The following STX7 variants were observed in gnomAD, a reference collection of about 807,000 sequenced individuals.
STX7 encodes the protein syntaxin 7, also known as syntaxin-7.
A neutral mutation model predicts 39.6 loss-of-function variants in STX7; 34 were observed. That is an observed-to-expected ratio of 0.86 (90% CI 0.65 to 1.14). STX7 has a LOEUF of 1.14. Among genes scored for constraint, STX7 ranks in the 50% most tolerant of loss-of-function variants. The pLI, the probability that STX7 is intolerant of heterozygous loss-of-function variation, is 0.00. For missense variants in STX7, 284 were observed against 310.4 expected (o/e 0.92, Z 0.64); for synonymous variants, 119 against 99.1 (o/e 1.20, Z -1.19).
chr6:132,502,893 T>C (rs1371089497), intron 2 of STX7, among the ~76,000 whole-genome samples: 3 of 151,146 alleles, frequency 2.0e-5, no homozygotes, highest in South Asian at 2.1e-4. Context: ...AGTGAGGCTG[T>C]CTCTAAAAAA....
At chr6:132,489,608 T>C (rs113283145) in intron 2 of STX7, among the ~76,000 whole-genome samples, 1 of 152,128 alleles carries the variant, frequency 6.6e-6, no homozygotes, top group South Asian at 2.1e-4. Flanking sequence ...GACGAGAAAG[T>C]GTGGGAAGGG....
At chr6:132,509,705 A>G (rs1775801198) in intron 1 of STX7, among the ~76,000 whole-genome samples, 1 of 152,148 alleles carries the variant, frequency 6.6e-6, no homozygotes, top group Non-Finnish European at 1.5e-5. Flanking sequence ...CTAAAAGGCA[A>G]CAACAGTTGG....
intron 8 of STX7, among the ~76,000 whole-genome samples, chr6:132,467,158 G>T (rs1045435102): frequency 2.6e-5 from 4 of 152,126 alleles, no homozygotes; most frequent in African/African-American, 7.2e-5. Flanking sequence ...CTTCTCATTC[G>T]TTTGTAAAAA....
chr6:132,470,538 T>A, intron 6 of STX7, 36 bp downstream of exon 6: 1 of 1,525,018 alleles, frequency 6.6e-7, no homozygotes, highest in African/African-American at 1.4e-5. Flanking sequence ...TTTGAAAAAT[T>A]ACCTTTTGAT....
intron 2 of STX7, among the ~76,000 whole-genome samples, chr6:132,490,033 T>C (rs1253637178): frequency 6.6e-6 from 1 of 152,244 alleles, no homozygotes; most frequent in African/African-American, 2.4e-5. Context: ...TTATTCATCC[T>C]AACATTTTTC....
chr6:132,478,838 T>C (rs1039011878), intron 2 of STX7, among the ~76,000 whole-genome samples: 1 of 152,214 alleles, frequency 6.6e-6, no homozygotes, highest in African/African-American at 2.4e-5. Flanking sequence ...TTGCTATCAA[T>C]GGGATGGGAC....
rs1046937659 is a variant in STX7 at position 132,450,511 on chromosome 6, T to G, written c.*10247A>C. 1.3e-4 allele frequency: 18 copies of G among 139,534 alleles called. No individual in the cohort carries two copies. The highest frequency in any genetic ancestry group is 3.6e-3 in the Middle Eastern group (1 of 280). 8.6% of individuals were successfully genotyped at this position (139,534 alleles called of 1,614,324 possible). On this transcript the variant is annotated 3_prime_UTR_variant, in exon 10 of 10. Transcript: ENST00000367941. The stretch of plus-strand genomic sequence containing the variant: ...TTAAAGAGACCAACTTTTGTTTAAA[T>G]TGATCCTCTCAAAAAAAAAAAAATT...
Position 132,456,990 on chromosome 6 carries a change from G to C in STX7, c.*3768C>G, listed in dbSNP as rs1433240663. On this transcript the variant is annotated 3_prime_UTR_variant, in exon 10 of 10. Coordinates refer to ENST00000367941, the MANE Select transcript of STX7 (RefSeq NM_003569.3). ...TTTCAAAATCTCTTGCAAGGCACTG[G>C]CTTTGGAGCTATTAACAGCTGACAG... The C allele has an allele frequency of 1.3e-5, 2 of 152,308 alleles. No homozygotes were observed. The highest frequency in any genetic ancestry group is 1.3e-4 in the Admixed American group (2 of 15,286). The allele number at this position is 152,308 out of a possible 1,614,324, so 9.4% of individuals were successfully genotyped here. A position where few individuals can be genotyped will look rare whatever the true frequency, so the allele number is the denominator to read the frequency against.
Position 132,451,216 on chromosome 6 carries a change from C to G in STX7, c.*9542G>C, listed in dbSNP as rs1180761895. On this transcript the variant is annotated 3_prime_UTR_variant, in exon 10 of 10. Coordinates refer to ENST00000367941, the MANE Select transcript of STX7 (RefSeq NM_003569.3). ...GGTTCAAGTGATTCTCCTGCCTCAG[C>G]TTCCCAAATGGCTGGGATTACAGAT... 2 of 151,972 alleles carry G rather than the reference C, an allele frequency of 1.3e-5. No homozygotes were observed. Among genetic ancestry groups the G allele is most frequent in the Non-Finnish European group, 2.9e-5 (2 of 68,046 alleles). The allele number at this position is 151,972 out of a possible 1,614,324, so 9.4% of individuals were successfully genotyped here.
chr6:132,500,695 A>G (rs1775536190), intron 2 of STX7, among the ~76,000 whole-genome samples: 1 of 152,356 alleles, frequency 6.6e-6, no homozygotes, highest in East Asian at 1.9e-4. Flanking sequence ...AGCAAGTACT[A>G]TGTATCCCAA....
chr6:132,493,254 C>A, intron 2 of STX7, among the ~76,000 whole-genome samples: 1 of 151,938 alleles, frequency 6.6e-6, no homozygotes, highest in African/African-American at 2.4e-5. Context: ...CTAGTTTTTT[C>A]CTAAGCAACT....
chr6:132,512,741 G>A (rs554808411), intron 1 of STX7, among the ~76,000 whole-genome samples: 2 of 152,242 alleles, frequency 1.3e-5, no homozygotes, highest in African/African-American at 2.4e-5. Flanking sequence ...GCGGGTGCGT[G>A]GCTGGGTAGG....
At position 132,455,534 on chromosome 6, in the gene STX7, T is replaced by C. The variant is rs1275286318; in HGVS notation, c.*5224A>G. ...TCAACAAGTAGAGGTGTTGTGCGTG[T>C]AACGACTGGACAGGAAATCTGGTTT... On this transcript the variant is annotated 3_prime_UTR_variant, in exon 10 of 10. Transcript: ENST00000367941. 1 of 152,220 alleles carries C rather than the reference T, an allele frequency of 6.6e-6. No homozygotes were observed. Among genetic ancestry groups the C allele is most frequent in the Non-Finnish European group, 1.5e-5 (1 of 68,038 alleles). The allele number at this position is 152,220 out of a possible 1,614,324, so 9.4% of individuals were successfully genotyped here. A position where few individuals can be genotyped will look rare whatever the true frequency, so the allele number is the denominator to read the frequency against.
At chr6:132,486,255 T>G (rs1775129110) in intron 2 of STX7, among the ~76,000 whole-genome samples, 1 of 152,182 alleles carries the variant, frequency 6.6e-6, no homozygotes, top group Admixed American at 6.5e-5. Context: ...TGAATAGAAG[T>G]GGTGAGGGCA....
At position 132,482,680 on chromosome 6, in the gene STX7, T is replaced by A. The variant is rs531422953; in HGVS notation, c.86-7018A>T. ...AAGTGTGTCTAGATTGAAGAAGTAA[T>A]TTGAAGGAGTTGAATTGAGATGTTA... On this transcript the variant is annotated intron_variant, in intron 2 of 9. Coordinates refer to ENST00000367941, the MANE Select transcript of STX7 (RefSeq NM_003569.3). Among the ~76,000 whole-genome samples the A allele has an allele frequency of 5.3e-5, 8 of 152,234 alleles. No homozygotes were observed. The South Asian group carries it at 1.0e-3, about 20-fold the overall frequency.
chr6:132,499,571 A>AT (rs1176203496), intron 2 of STX7, among the ~76,000 whole-genome samples: 1 of 152,212 alleles, frequency 6.6e-6, no homozygotes, highest in Non-Finnish European at 1.5e-5. Context: ...TTAGGGAGAG[A>AT]TAATGCCTCA....
At chr6:132,502,990 C>A (rs1775614892) in intron 2 of STX7, among the ~76,000 whole-genome samples, 1 of 152,082 alleles carries the variant, frequency 6.6e-6, no homozygotes, top group Admixed American at 6.6e-5. Flanking sequence ...GTTCCTCTTG[C>A]TCCTTAATAA....
intron 2 of STX7, among the ~76,000 whole-genome samples, chr6:132,501,727 G>C (rs1775562667): frequency 6.6e-6 from 1 of 152,044 alleles, no homozygotes; most frequent in Non-Finnish European, 1.5e-5. Flanking sequence ...CTCTTCTTTG[G>C]AGAAAGGCCT....
intron 2 of STX7, among the ~76,000 whole-genome samples, chr6:132,498,507 C>A (rs1345212182): frequency 6.6e-6 from 1 of 152,100 alleles, no homozygotes; most frequent in East Asian, 1.9e-4. Context: ...TTTCCCACTG[C>A]AACACTCAAG....
Sources: gnomAD v4.1 joint callset for allele counts (sites outside exome capture counted in the v4.1 genomes callset) on GRCh38, gnomAD v4.1.1 for gene constraint, MANE v1.5 for transcripts, NCBI Gene and HGNC (gene_info 2026-07-23, HGNC 2026-07-21) for gene names.